The following HSPA12A variants were observed in gnomAD, a reference collection of about 807,000 sequenced individuals.
HSPA12A encodes the protein heat shock 70 kDa protein 12A.
Under a neutral mutation model 69.2 loss-of-function variants are expected in HSPA12A, and 28 were observed. The ratio of observed to expected loss-of-function variants is 0.40; its 90% CI spans 0.30 to 0.55. The LOEUF is 0.55. Among genes scored for constraint, HSPA12A ranks in the 20% least tolerant of loss-of-function variants. HSPA12A has a pLI of 0.38. For missense variants in HSPA12A, 686 were observed against 900.7 expected (o/e 0.76, Z 3.05); for synonymous variants, 345 against 370.5 (o/e 0.93, Z 0.79).
intron 2 of HSPA12A, among the ~76,000 whole-genome samples, chr10:116,816,663 G>A (rs1250441445): frequency 6.6e-6 from 1 of 152,144 alleles, no homozygotes; most frequent in Non-Finnish European, 1.5e-5. Flanking sequence ...TTGCAGCTGC[G>A]TGGTCTCCCT....
At chr10:116,823,479 C>T (rs947576096) in intron 2 of HSPA12A, among the ~76,000 whole-genome samples, 2 of 152,196 alleles carry the variant, frequency 1.3e-5, no homozygotes, top group African/African-American at 2.4e-5. Flanking sequence ...GGAGGACTCA[C>T]ACTTTCTAAT....
At chr10:116,813,722 A>C (rs1845243290) in intron 2 of HSPA12A, among the ~76,000 whole-genome samples, 1 of 151,998 alleles carries the variant, frequency 6.6e-6, no homozygotes, top group Admixed American at 6.6e-5. Flanking sequence ...CTCTACAAAA[A>C]AAAATGTTTT....
intron 2 of HSPA12A, among the ~76,000 whole-genome samples, chr10:116,804,992 A>G (rs1366386737): frequency 6.6e-6 from 1 of 152,200 alleles, no homozygotes; most frequent in Non-Finnish European, 1.5e-5. Context: ...TTTTATCCCC[A>G]GTAAATTTAA....
chr10:116,722,188 G>A (rs781988917), intron 1 of HSPA12A, among the ~76,000 whole-genome samples: 2 of 152,152 alleles, frequency 1.3e-5, no homozygotes, highest in African/African-American at 4.8e-5. Context: ...ATCAATCAGC[G>A]GCCATCTCCT....
chr10:116,748,081 A>G (rs942906816), intron 2 of HSPA12A, among the ~76,000 whole-genome samples: 4 of 152,232 alleles, frequency 2.6e-5, no homozygotes, highest in Non-Finnish European at 5.9e-5. Flanking sequence ...TCACACAATC[A>G]GTGACAGAGC....
chr10:116,783,669 G>C (rs1443928040), intron 2 of HSPA12A, among the ~76,000 whole-genome samples: 1 of 152,046 alleles, frequency 6.6e-6, no homozygotes, highest in South Asian at 2.1e-4. Flanking sequence ...GTCTTAAGTG[G>C]GGGGAAAAAA....
intron 1 of HSPA12A, among the ~76,000 whole-genome samples, chr10:116,727,904 T>C (rs1324684516): frequency 7.2e-6 from 1 of 138,468 alleles, no homozygotes; most frequent in Non-Finnish European, 1.6e-5. Flanking sequence ...ATTACAGGTG[T>C]GCACCACCAT....
intron 2 of HSPA12A, among the ~76,000 whole-genome samples, chr10:116,818,996 G>A (rs1845360204): frequency 6.6e-6 from 1 of 151,974 alleles, no homozygotes; most frequent in African/African-American, 2.4e-5. Flanking sequence ...CTGGATTCCT[G>A]TCTCTCTGGG....
chr10:116,711,820 C>T (rs978118292), intron 1 of HSPA12A, among the ~76,000 whole-genome samples: 7 of 151,328 alleles, frequency 4.6e-5, no homozygotes, highest in Non-Finnish European at 7.4e-5. Context: ...CCTGCCAACG[C>T]GCCCAGCTAA....
chr10:116,716,403 C>T (rs117640182), intron 1 of HSPA12A, among the ~76,000 whole-genome samples: 2,882 of 148,950 alleles, frequency 0.019, 42 homozygotes, highest in Non-Finnish European at 0.031. Flanking sequence ...ACCCTGTGAC[C>T]CTTTGTACAA....
At chr10:116,708,141 T>C (rs1186764105) in intron 1 of HSPA12A, 1 of 151,976 alleles carries the variant, frequency 6.6e-6, no homozygotes, top group African/African-American at 2.4e-5. Context: ...CTGGCCGGCA[T>C]TGGAACGCGC....
At chr10:116,787,253 G>T (rs1016226427) in intron 2 of HSPA12A, among the ~76,000 whole-genome samples, 2 of 151,684 alleles carry the variant, frequency 1.3e-5, no homozygotes, top group African/African-American at 4.8e-5. Flanking sequence ...AAGCTAGAAG[G>T]GCCTCTACCC....
intron 6 of HSPA12A, among the ~76,000 whole-genome samples, chr10:116,690,116 A>G (rs1295850280): frequency 2.0e-5 from 3 of 152,236 alleles, no homozygotes; most frequent in Non-Finnish European, 2.9e-5. Context: ...GAGAGTAGAA[A>G]GATGTTAATT....
intron 7 of HSPA12A, among the ~76,000 whole-genome samples, chr10:116,683,143 G>A (rs1375960923): frequency 6.6e-6 from 1 of 151,966 alleles, no homozygotes; most frequent in African/African-American, 2.4e-5. Context: ...CTGACAGGGC[G>A]TGTCTGCAAA....
intron 1 of HSPA12A, among the ~76,000 whole-genome samples, chr10:116,727,589 T>C (rs1665650): frequency 0.69 from 105,169 of 152,002 alleles, 36,910 homozygotes; most frequent in Middle Eastern, 0.88. Flanking sequence ...TTCATGATGG[T>C]GTAAAGGCGA....
chr10:116,764,422 A>G (rs11197813), intron 2 of HSPA12A, among the ~76,000 whole-genome samples: 41,116 of 152,234 alleles, frequency 0.27, 5,680 homozygotes, highest in South Asian at 0.37. Context: ...GAAAAGCCCT[A>G]TCAATAGACA....
At chr10:116,761,872 A>C (rs994329548) in intron 2 of HSPA12A, among the ~76,000 whole-genome samples, 6 of 152,226 alleles carry the variant, frequency 3.9e-5, no homozygotes, top group African/African-American at 1.4e-4. Flanking sequence ...ATAACAAAAA[A>C]AAAAGGATTT....
intron 2 of HSPA12A, among the ~76,000 whole-genome samples, chr10:116,810,660 A>G (rs1845161122): frequency 6.6e-6 from 1 of 152,160 alleles, no homozygotes; most frequent in African/African-American, 2.4e-5. Flanking sequence ...GACTTGTTAG[A>G]CATGCAAAAA....
intron 2 of HSPA12A, among the ~76,000 whole-genome samples, chr10:116,769,280 G>A (rs1257736945): frequency 1.3e-5 from 2 of 152,056 alleles, no homozygotes; most frequent in African/African-American, 2.4e-5. Flanking sequence ...GCTTGGTGGG[G>A]TCTTCTTAAG....
Sources: gnomAD v4.1 joint callset for allele counts (sites outside exome capture counted in the v4.1 genomes callset) on GRCh38, gnomAD v4.1.1 for gene constraint, MANE v1.5 for transcripts, NCBI Gene and HGNC (gene_info 2026-07-23, HGNC 2026-07-21) for gene names.